B3GALT1: variants seen among roughly 807,000 people sequenced by gnomAD.
B3GALT1 encodes beta-1,3-galactosyltransferase 1, also known as UDP-Gal:betaGlcNAc beta 1,3-galactosyltransferase, polypeptide 1.
Under a neutral mutation model 23.2 loss-of-function variants are expected in B3GALT1, and 10 were observed. That is an observed-to-expected ratio of 0.43 (90% CI 0.27 to 0.73). The LOEUF (loss-of-function observed/expected upper bound fraction) is 0.73. Among genes scored for constraint, B3GALT1 ranks in the 30% least tolerant of loss-of-function variants. B3GALT1 has a pLI of 0.21. For missense variants in B3GALT1, 299 were observed against 405.4 expected (o/e 0.74, Z 2.25); for synonymous variants, 156 against 141.5 (o/e 1.10, Z -0.73).
chr2:167,402,267 G>A (rs541919646), intron 1 of B3GALT1, among the ~76,000 whole-genome samples: 17 of 151,972 alleles, frequency 1.1e-4, no homozygotes, highest in South Asian at 6.2e-4. Flanking sequence ...AAATAATAGC[G>A]TGTCATCAAT....
At chr2:167,358,523 TTGTGAACTTTTTTTTAGTAA>T in intron 1 of B3GALT1, among the ~76,000 whole-genome samples, 1 of 152,102 alleles carries the variant, frequency 6.6e-6, no homozygotes, top group Admixed American at 6.5e-5. Flanking sequence ...TTGAGCATGT[TTGTGAACTTTTTTTTAGTAA>T]TAATGAACTT....
chr2:167,631,289 A>G (rs2105447215), intron 2 of B3GALT1, among the ~76,000 whole-genome samples: 1 of 152,008 alleles, frequency 6.6e-6, no homozygotes, highest in South Asian at 2.1e-4. Flanking sequence ...AAGGAAAACA[A>G]GGGTTGATCA....
chr2:167,344,252 A>G (rs2105250180), intron 1 of B3GALT1, among the ~76,000 whole-genome samples: 1 of 152,294 alleles, frequency 6.6e-6, no homozygotes, highest in South Asian at 2.1e-4. Flanking sequence ...CTTCAGAACA[A>G]ACTTTTATCT....
In B3GALT1 at chr2:167,471,123, C is replaced by T. The variant is rs550173884; in HGVS notation, c.-510-19054C>T. Among the ~76,000 whole-genome samples the T allele has an allele frequency of 3.9e-5, 6 of 152,204 alleles. No homozygotes were observed. The East Asian group carries it at 1.2e-3, about 29-fold the overall frequency. On this transcript the variant is annotated intron_variant, in intron 1 of 4. Transcript: ENST00000392690. Reference sequence around the variant, plus strand: ...ATAGATAAGCAGAATGCTGGATCAACAAAATAAGGAGACCTTTTCTTCTTT... The same window carrying T: ...ATAGATAAGCAGAATGCTGGATCAATAAAATAAGGAGACCTTTTCTTCTTT...
At chr2:167,658,042 T>TA (rs34199338) in intron 3 of B3GALT1, among the ~76,000 whole-genome samples, 102,193 of 151,892 alleles carry the variant, frequency 0.67, 35,911 homozygotes, top group South Asian at 0.83. Context: ...TTGCCAATGA[T>TA]AAAAGGCTCT....
intron 2 of B3GALT1, among the ~76,000 whole-genome samples, chr2:167,529,945 T>G (rs1683296083): frequency 6.6e-6 from 1 of 152,148 alleles, no homozygotes; most frequent in Admixed American, 6.6e-5. Flanking sequence ...TCCCCTTCTC[T>G]CAGTTCTCTA....
rs575066719 is a variant in B3GALT1 at position 167,564,530 on chromosome 2, G to A, written c.-410+74253G>A. ...GGCAGGACGCCGGGAGGTGGAGGCCGCAGCGAGCCGAGACCACGCCACTGC... is the reference window on the plus strand; with the variant it reads ...GGCAGGACGCCGGGAGGTGGAGGCCACAGCGAGCCGAGACCACGCCACTGC... On this transcript the variant is annotated intron_variant, in intron 2 of 4. Transcript: ENST00000392690. Among the ~76,000 whole-genome samples the A allele has an allele frequency of 7.2e-5, 11 of 152,240 alleles. No homozygotes were observed. In the South Asian group the frequency reaches 1.0e-3, roughly 14 times the overall value.
intron 3 of B3GALT1, among the ~76,000 whole-genome samples, chr2:167,791,793 A>G (rs1488048648): frequency 6.6e-6 from 1 of 152,164 alleles, no homozygotes; most frequent in Non-Finnish European, 1.5e-5. Flanking sequence ...GATGAAAATT[A>G]CATTGTTTTG....
intron 3 of B3GALT1, among the ~76,000 whole-genome samples, chr2:167,786,500 T>A (rs1054286624): frequency 2.0e-5 from 3 of 152,192 alleles, no homozygotes; most frequent in Non-Finnish European, 4.4e-5. Flanking sequence ...CTACTTCTAC[T>A]TTTGGTCTTC....
At chr2:167,672,019 T>C (rs532429551) in intron 3 of B3GALT1, among the ~76,000 whole-genome samples, 15 of 152,234 alleles carry the variant, frequency 9.9e-5, no homozygotes, top group African/African-American at 3.4e-4. Flanking sequence ...TTGGATAAAC[T>C]AGAAGAAATG....
At chr2:167,374,350 A>G (rs1199502754) in intron 1 of B3GALT1, among the ~76,000 whole-genome samples, 1 of 152,170 alleles carries the variant, frequency 6.6e-6, no homozygotes, top group African/African-American at 2.4e-5. Flanking sequence ...TTTTGGTAGA[A>G]TGATTTGTTT....
At chr2:167,742,915 T>A (rs561599057) in intron 3 of B3GALT1, among the ~76,000 whole-genome samples, 1 of 152,240 alleles carries the variant, frequency 6.6e-6, no homozygotes, top group South Asian at 2.1e-4. Context: ...TGTTTTATCA[T>A]TTATTTGCTA....
At chr2:167,405,014 C>G (rs903402304) in intron 1 of B3GALT1, among the ~76,000 whole-genome samples, 7 of 152,084 alleles carry the variant, frequency 4.6e-5, no homozygotes, top group African/African-American at 1.4e-4. Flanking sequence ...ATTATTTTAT[C>G]CCCACCATTA....
intron 3 of B3GALT1, among the ~76,000 whole-genome samples, chr2:167,690,734 C>T (rs1413318322): frequency 2.0e-5 from 3 of 152,240 alleles, no homozygotes; most frequent in South Asian, 4.1e-4. Flanking sequence ...ACCAATCTAT[C>T]GTCCCTAGTT....
intron 2 of B3GALT1, chr2:167,558,016 C>T (rs1038878335): frequency 5.3e-5 from 8 of 152,340 alleles, no homozygotes; most frequent in East Asian, 1.9e-4. Context: ...TCAGAATGCT[C>T]AGCCTTGCTT....
chr2:167,805,130 G>C (rs555683276), intron 3 of B3GALT1, among the ~76,000 whole-genome samples: 4 of 152,316 alleles, frequency 2.6e-5, no homozygotes, highest in African/African-American at 9.6e-5. Flanking sequence ...GTCTTCTTGT[G>C]AGAAGTGTCT....
At chr2:167,567,563 T>C (rs1164695263) in intron 2 of B3GALT1, among the ~76,000 whole-genome samples, 2 of 152,186 alleles carry the variant, frequency 1.3e-5, no homozygotes, top group African/African-American at 4.8e-5. Flanking sequence ...TCTTTGTTTT[T>C]AATTAACAAC....
intron 2 of B3GALT1, among the ~76,000 whole-genome samples, chr2:167,618,338 G>C (rs1685196159): frequency 6.6e-6 from 1 of 151,970 alleles, no homozygotes. Flanking sequence ...GAATTCCCAT[G>C]TACATTTCAT....
intron 1 of B3GALT1, among the ~76,000 whole-genome samples, chr2:167,347,973 T>C (rs1236429566): frequency 6.6e-6 from 1 of 152,172 alleles, no homozygotes; most frequent in African/African-American, 2.4e-5. Flanking sequence ...GTTTTAGAGT[T>C]TGGCTGACCT....
Sources: allele counts gnomAD v4.1 joint callset (sites outside exome capture counted in the v4.1 genomes callset), GRCh38; gene constraint gnomAD v4.1.1; transcripts MANE v1.5; gene names NCBI Gene and HGNC (gene_info 2026-07-23, HGNC 2026-07-21).